The following TMEM35B variants were observed in gnomAD, a reference collection of about 807,000 sequenced individuals.
The protein encoded by TMEM35B is ZMYM6 neighbor protein.
A neutral mutation model predicts 8.7 loss-of-function variants in TMEM35B; 6 were observed. The ratio of observed to expected loss-of-function variants is 0.69; its 90% CI spans 0.38 to 1.36. The LOEUF (loss-of-function observed/expected upper bound fraction) is 1.36. TMEM35B is among the 40% of genes most tolerant of loss of function. The pLI is 0.02. For synonymous variants in TMEM35B, 89 were observed against 87.0 expected, an observed-to-expected ratio of 1.02 and a Z score of -0.13; for missense variants, 176 against 181.6, an observed-to-expected ratio of 0.97 and a Z score of 0.18.
At chr1:34,985,158 C>G (rs1205354007) in intron 1 of TMEM35B, 40 bp downstream of exon 1, 13 of 1,484,878 alleles carry the variant, frequency 8.8e-6, no homozygotes, top group Non-Finnish European at 1.2e-5. Flanking sequence ...GCACACGCCG[C>G]CGCGGGCCCG....
At chr1:34,984,050 A>G (rs1640535856) in intron 1 of TMEM35B, 103 bp from the exon 2 acceptor site, 3 of 1,170,950 alleles carry the variant, frequency 2.6e-6, no homozygotes, top group Non-Finnish European at 3.4e-6. Flanking sequence ...CTTCCCAGAG[A>G]AAAGAACTAC....
chr1:34,983,833 G>A (rs867167105), exon 2 of TMEM35B: 4 of 1,546,820 alleles, frequency 2.6e-6, no homozygotes, highest in Middle Eastern at 1.7e-4. Context: ...ATGACCAGCA[G>A]CAACCCAGCC....
At chr1:34,981,912 A>G (rs1423191676) in exon 3 of TMEM35B, 1 of 1,486,008 alleles carries the variant, frequency 6.7e-7, no homozygotes, top group East Asian at 2.5e-5. Flanking sequence ...TCCTGCTGTG[A>G]CAGCTGCATG....
At chr1:34,984,423 T>G (rs1408407858) in intron 1 of TMEM35B, among the ~76,000 whole-genome samples, 1 of 152,204 alleles carries the variant, frequency 6.6e-6, no homozygotes, top group Admixed American at 6.5e-5. Flanking sequence ...ATCCTTACTT[T>G]CGGGGATACT....
exon 1 of TMEM35B, chr1:34,985,325 T>TG: frequency 6.6e-7 from 1 of 1,510,008 alleles, no homozygotes; most frequent in Non-Finnish European, 8.9e-7. Context: ...CCCCCCACCG[T>TG]GGGTTGGCCC....
chr1:34,981,451 T>A (rs1392803353), downstream of TMEM35B: 1 of 152,164 alleles, frequency 6.6e-6, no homozygotes, highest in Non-Finnish European at 1.5e-5. Context: ...ATGTTCCTCA[T>A]GGGGGATTAA....
chr1:34,983,591 A>G (rs1640530582), intron 2 of TMEM35B, among the ~76,000 whole-genome samples, 176 bp downstream of exon 2: 1 of 150,876 alleles, frequency 6.6e-6, no homozygotes, highest in Non-Finnish European at 1.5e-5. Context: ...AAAAAAAAAA[A>G]AAAAAAAAAA....
chr1:34,983,629 T>C (rs986085444), intron 2 of TMEM35B, 138 bp downstream of exon 2: 2 of 482,490 alleles, frequency 4.1e-6, no homozygotes, highest in Non-Finnish European at 6.7e-6. Context: ...TTGAAGACCA[T>C]GGAAACTGTG....
intron 2 of TMEM35B, 135 bp from the exon 3 acceptor site, chr1:34,982,254 A>G (rs1640515066): frequency 1.5e-6 from 1 of 658,222 alleles, no homozygotes; most frequent in African/African-American, 1.8e-5. Context: ...CCTAACGCAC[A>G]TTCCCAAAAC....
At chr1:34,985,098 G>C in intron 1 of TMEM35B, 100 bp downstream of exon 1, 1 of 914,912 alleles carries the variant, frequency 1.1e-6, no homozygotes, top group Non-Finnish European at 1.5e-6. Flanking sequence ...CTGAGCCTCG[G>C]AAGCCCGAAG....
intron 2 of TMEM35B, 102 bp downstream of exon 2, chr1:34,983,665 C>T: frequency 9.9e-7 from 1 of 1,009,422 alleles, no homozygotes; most frequent in Non-Finnish European, 1.3e-6. Context: ...CTCTTGATCC[C>T]AGAGAAAAAA....
exon 1 of TMEM35B, chr1:34,985,250 A>T (rs1640556593): frequency 6.5e-7 from 1 of 1,545,298 alleles, no homozygotes; most frequent in Non-Finnish European, 8.7e-7. Context: ...GGCCAACCCC[A>T]CGAGCGCGAA....
chr1:34,982,059 A>G, exon 3 of TMEM35B: 1 of 1,549,700 alleles, frequency 6.5e-7, no homozygotes, highest in Non-Finnish European at 8.7e-7. Context: ...CCCCAGGCAG[A>G]CAATGGCTGG....
At chr1:34,982,457 CTTTT>C (rs540924637) in intron 2 of TMEM35B, among the ~76,000 whole-genome samples, 8 of 129,718 alleles carry the variant, frequency 6.2e-5, no homozygotes, top group South Asian at 2.4e-4. Context: ...TTCTCCTTTC[CTTTT>C]TTTTTTTTTT....
chr1:34,983,941 G>A (rs1413564771), exon 2 of TMEM35B: 1 of 1,497,148 alleles, frequency 6.7e-7, no homozygotes, highest in East Asian at 2.6e-5. Context: ...TGCACGAACA[G>A]GGCATTCTAG....
exon 1 of TMEM35B, chr1:34,985,226 T>C: frequency 1.3e-6 from 2 of 1,541,124 alleles, no homozygotes; most frequent in Non-Finnish European, 1.7e-6. Context: ...AGCCGAGATC[T>C]CCTCCGAGAG....
At chr1:34,981,925 A>G in exon 3 of TMEM35B, 1 of 1,513,946 alleles carries the variant, frequency 6.6e-7, no homozygotes, top group Non-Finnish European at 8.9e-7. Context: ...GCTGCATGGC[A>G]TAAAGAGACA....
At chr1:34,985,263 A>C (rs1483964878) in exon 1 of TMEM35B, 1 of 1,544,760 alleles carries the variant, frequency 6.5e-7, no homozygotes, top group African/African-American at 1.4e-5. Context: ...AGCGCGAAGA[A>C]GCCGCCCAGC....
chr1:34,981,405 G>A (rs1174434898), downstream of TMEM35B: 1 of 152,130 alleles, frequency 6.6e-6, no homozygotes, highest in Non-Finnish European at 1.5e-5. Flanking sequence ...GATTTACTGT[G>A]AGGCTTACGA....
Sources: gnomAD v4.1 joint callset for allele counts (sites outside exome capture counted in the v4.1 genomes callset) on GRCh38, gnomAD v4.1.1 for gene constraint, MANE v1.5 for transcripts, NCBI Gene and HGNC (gene_info 2026-07-23, HGNC 2026-07-21) for gene names.